Variants in NCOR2 observed in about 807,000 individuals in gnomAD.
The protein encoded by NCOR2 is CTG repeat protein 26.
Under a neutral mutation model 262.9 loss-of-function variants are expected in NCOR2, and 81 were observed. The ratio of observed to expected loss-of-function variants is 0.31; its 90% CI spans 0.26 to 0.37. NCOR2 has a LOEUF of 0.37. Among genes scored for constraint, NCOR2 ranks in the 10% least tolerant of loss-of-function variants. The pLI is 1.00. For synonymous variants in NCOR2, 1,659 were observed against 1,559.3 expected (o/e 1.06, Z -1.51); for missense variants, 3,385 against 3,621.4 (o/e 0.93, Z 1.68).
chr12:124,379,726 AT>A (rs2040276309), intron 17 of NCOR2, among the ~76,000 whole-genome samples: 1 of 152,222 alleles, frequency 6.6e-6, no homozygotes. Flanking sequence ...CTCAGACCTT[AT>A]TTAGAAACGG....
chr12:124,509,240 G>GGGGA (rs1555234136), intron 1 of NCOR2, among the ~76,000 whole-genome samples: 1 of 138,486 alleles, frequency 7.2e-6, no homozygotes, highest in Admixed American at 7.3e-5. Flanking sequence ...TTTGGTGGGG[G>GGGGA]GGGGGGGGGC....
chr12:124,539,068 C>T (rs2051207530), upstream of NCOR2: 1 of 152,032 alleles, frequency 6.6e-6, no homozygotes. The surrounding 1 kb of genome is among the most constrained non-coding windows in gnomAD (Gnocchi z 5.1). Flanking sequence ...TGCTCCAGCC[C>T]AGGCTGCCCG....
At chr12:124,519,089 T>TACACACACATAC (rs1555236048) in intron 1 of NCOR2, among the ~76,000 whole-genome samples, 1 of 97,268 alleles carries the variant, frequency 1.0e-5, no homozygotes, top group Non-Finnish European at 2.2e-5. Flanking sequence ...GGCCAAATAA[T>TACACACACATAC]ACACACACAC....
Position 124,355,583 on chromosome 12 carries a change from ATGTC to A in NCOR2, c.3242-16_3242-13del. On this transcript the variant is annotated splice_polypyrimidine_tract_variant and intron_variant, in intron 23 of 46. Transcript: ENST00000405201. ...GGGCAGTGGGTGACCTGTGGAGCAC[ATGTC>A]TGTCCATTGTGGGGCCCAGGAGCGG... 6.5e-7 allele frequency: 1 copy of A among 1,546,680 alleles called. No homozygotes were observed. Among genetic ancestry groups the A allele is most frequent in the Non-Finnish European group, 8.7e-7 (1 of 1,150,082 alleles).
rs1385604135 is a variant in NCOR2 at position 124,466,676 on chromosome 12, C to T, written c.592-390G>A. Among the ~76,000 whole-genome samples, 4 of 152,134 alleles carry T rather than the reference C, an allele frequency of 2.6e-5. No homozygotes were observed. The South Asian group carries it at 8.3e-4, about 32-fold the overall frequency. ...AGGCACAGTCAGGCCTGCTGCGAGC[C>T]GGCATTATTACCCATTACGGTTCCT... On this transcript the variant is annotated intron_variant, in intron 4 of 46. Transcript: ENST00000405201.
chr12:124,560,708 A>G (rs1050625411), intron 1 of NCOR2, among the ~76,000 whole-genome samples: 2 of 152,234 alleles, frequency 1.3e-5, no homozygotes, highest in African/African-American at 4.8e-5. Context: ...GAGGAAACTC[A>G]GGCGCGGGAA....
chr12:124,401,894 C>CT (rs1238745172), intron 14 of NCOR2, among the ~76,000 whole-genome samples: 1 of 152,228 alleles, frequency 6.6e-6, no homozygotes. Flanking sequence ...CCTGCAGCCC[C>CT]TGGCAGGCAC....
At chr12:124,438,127 C>T (rs1194951650) in intron 7 of NCOR2, 131 bp from the exon 10 acceptor site, 16 of 782,176 alleles carry the variant, frequency 2.0e-5, no homozygotes, top group Admixed American at 4.4e-5. Context: ...GAGACCCACC[C>T]GTGCTGTATC....
chr12:124,388,093 T>TG (rs1415961970), intron 16 of NCOR2, among the ~76,000 whole-genome samples: 2 of 76,338 alleles, frequency 2.6e-5, no homozygotes, highest in Non-Finnish European at 5.2e-5. Context: ...GAGGTGGGGG[T>TG]GGGGGTCACC....
intron 13 of NCOR2, among the ~76,000 whole-genome samples, chr12:124,417,459 C>T (rs1389417652): frequency 6.6e-6 from 1 of 152,198 alleles, no homozygotes; most frequent in Non-Finnish European, 1.5e-5. Flanking sequence ...GGATGGGCCT[C>T]TGCTCTTCAG....
At position 124,333,126 on chromosome 12, in the gene NCOR2, G is replaced by A. The variant is rs1566351582; in HGVS notation, c.6755+4C>T. ...GGGGGCAGCGCATGTGCCCACAGAAGTACCTGGGCTCCGTCTGTTCCCCAT... is the reference window on the plus strand; with the variant it reads ...GGGGGCAGCGCATGTGCCCACAGAAATACCTGGGCTCCGTCTGTTCCCCAT... On this transcript the variant is annotated splice_donor_region_variant and intron_variant, in intron 42 of 46. Coordinates refer to ENST00000405201, the Ensembl canonical transcript of NCOR2. 1 of 1,598,576 alleles carries A rather than the reference G, an allele frequency of 6.3e-7. No individual in the cohort carries two copies.
At chr12:124,446,719 A>T (rs1387147162) in intron 7 of NCOR2, among the ~76,000 whole-genome samples, 1 of 152,214 alleles carries the variant, frequency 6.6e-6, no homozygotes, top group Non-Finnish European at 1.5e-5. Flanking sequence ...ATGACTGCAC[A>T]ATGAAATTTA....
At chr12:124,417,180 G>GAGCAGGCCGGACACTCACTCCACAGAC (rs2042941886) in intron 13 of NCOR2, among the ~76,000 whole-genome samples, 1 of 29,744 alleles carries the variant, frequency 3.4e-5, no homozygotes, top group South Asian at 1.0e-3. Flanking sequence ...ACTCCACGCA[G>GAGCAGGCCGGACACTCACTCCACAGAC]AGCAGGCCGG....
chr12:124,425,069 T>G (rs2043455193), intron 11 of NCOR2, among the ~76,000 whole-genome samples: 1 of 152,196 alleles, frequency 6.6e-6, no homozygotes, highest in African/African-American at 2.4e-5. Context: ...TTCGTAAACT[T>G]TCTTTAACCC....
intron 3 of NCOR2, among the ~76,000 whole-genome samples, chr12:124,479,345 T>C (rs1383238310): frequency 3.5e-5 from 5 of 142,694 alleles, no homozygotes; most frequent in East Asian, 2.1e-4. Flanking sequence ...CAAACACACA[T>C]ACACACGTGC....
intron 22 of NCOR2, among the ~76,000 whole-genome samples, chr12:124,358,346 C>T (rs913983501): frequency 3.4e-5 from 5 of 148,082 alleles, no homozygotes; most frequent in South Asian, 4.5e-4. Context: ...TGTGCCTGTA[C>T]ACAATGTTGA....
chr12:124,465,425 C>T (rs1444147625), intron 5 of NCOR2, among the ~76,000 whole-genome samples: 2 of 152,196 alleles, frequency 1.3e-5, no homozygotes, highest in African/African-American at 4.8e-5. Flanking sequence ...CTTGGGGGTG[C>T]ACAGACCCTT....
intron 13 of NCOR2, among the ~76,000 whole-genome samples, chr12:124,418,968 A>T (rs1702338): frequency 6.6e-6 from 1 of 151,910 alleles, no homozygotes; most frequent in Non-Finnish European, 1.5e-5. Context: ...GCCACTGAGG[A>T]CCCCAGGAAG....
At chr12:124,435,881 C>T (rs1458059866) in intron 8 of NCOR2, among the ~76,000 whole-genome samples, 1 of 152,242 alleles carries the variant, frequency 6.6e-6, no homozygotes, top group African/African-American at 2.4e-5. Context: ...GGGCAAGTTA[C>T]TTAACCTCTC....
Sources: gnomAD v4.1 joint callset for allele counts (sites outside exome capture counted in the v4.1 genomes callset) on GRCh38, gnomAD v4.1.1 for gene constraint, Gnocchi (gnomAD v3.1) non-coding constraint, MANE v1.5 for transcripts, NCBI Gene and HGNC (gene_info 2026-07-23, HGNC 2026-07-21) for gene names.